PACRG: variants seen among roughly 807,000 people sequenced by gnomAD.
PACRG encodes parkin coregulated gene protein.
Under a neutral mutation model 29.7 loss-of-function variants are expected in PACRG, and 29 were observed. The observed-to-expected ratio is 0.98, with a 90% CI of 0.73 to 1.33. PACRG has a LOEUF of 1.33. Among genes scored for constraint, PACRG ranks in the 40% most tolerant of loss-of-function variants. PACRG has a pLI of 0.00. For synonymous variants in PACRG, 116 were observed against 118.7 expected (o/e 0.98, Z 0.15); for missense variants, 279 against 316.2 (o/e 0.88, Z 0.89).
intron 4 of PACRG, among the ~76,000 whole-genome samples, chr6:163,282,257 C>T (rs1188078812): frequency 6.6e-6 from 1 of 152,120 alleles, no homozygotes; most frequent in East Asian, 1.9e-4. Context: ...AATTTTCCCA[C>T]CCCACCAAGT....
intron 4 of PACRG, among the ~76,000 whole-genome samples, chr6:163,237,322 A>G (rs1782285837): frequency 6.6e-6 from 1 of 152,088 alleles, no homozygotes; most frequent in Non-Finnish European, 1.5e-5. Flanking sequence ...ATATATTGGG[A>G]TTGCATACAT....
At chr6:162,785,036 T>C (rs894714107) in intron 1 of PACRG, among the ~76,000 whole-genome samples, 1 of 152,154 alleles carries the variant, frequency 6.6e-6, no homozygotes, top group Non-Finnish European at 1.5e-5. Context: ...ATGAAACTTC[T>C]CATTGGGAAA....
At position 162,996,213 on chromosome 6, in the gene PACRG, G is replaced by T. The variant is rs150350232; in HGVS notation, c.292-65937G>T. ...TGGACATGTTTATTAGGTTGATTGT[G>T]GTGATCATTTCACAGTGTACACATA... On this transcript the variant is annotated intron_variant, in intron 2 of 4. Transcript: ENST00000366888. 4.6e-3 allele frequency among the ~76,000 whole-genome samples: 695 copies of T among 152,154 alleles called. 3 individuals carry two copies. Among genetic ancestry groups the T allele is most frequent in the Non-Finnish European group, 7.7e-3 (522 of 67,984 alleles).
intron 4 of PACRG, among the ~76,000 whole-genome samples, chr6:163,212,705 T>G (rs1781198238): frequency 6.6e-6 from 1 of 151,788 alleles, no homozygotes; most frequent in Non-Finnish European, 1.5e-5. Context: ...TATTTACCAT[T>G]ATTTCATATT....
chr6:162,838,847 G>T (rs1284942631), intron 2 of PACRG, among the ~76,000 whole-genome samples: 1 of 147,806 alleles, frequency 6.8e-6, no homozygotes, highest in Non-Finnish European at 1.5e-5. Flanking sequence ...GTGGTGTTTG[G>T]TTTTTTGTTC....
intron 2 of PACRG, among the ~76,000 whole-genome samples, chr6:162,984,133 G>A (rs955101685): frequency 2.6e-5 from 4 of 151,918 alleles, no homozygotes; most frequent in Non-Finnish European, 4.4e-5. Context: ...CCTGAGCAGT[G>A]TACACAGTGT....
chr6:163,116,807 T>C (rs764031305), intron 4 of PACRG, among the ~76,000 whole-genome samples: 2 of 152,110 alleles, frequency 1.3e-5, no homozygotes, highest in African/African-American at 2.4e-5. Flanking sequence ...AGAAGATGAT[T>C]CAAAAATGAC....
At chr6:162,925,346 G>A (rs1438774035) in intron 2 of PACRG, among the ~76,000 whole-genome samples, 2 of 151,984 alleles carry the variant, frequency 1.3e-5, no homozygotes, top group East Asian at 3.9e-4. Context: ...TAAAACCCTG[G>A]CAGAGACACA....
intron 2 of PACRG, among the ~76,000 whole-genome samples, chr6:162,973,643 T>G (rs1801710495): frequency 1.3e-5 from 2 of 152,244 alleles, no homozygotes; most frequent in Non-Finnish European, 1.5e-5. Flanking sequence ...TTTCAACCTT[T>G]TTTGAGCTTA....
chr6:163,060,405 G>A (rs1810995517), intron 2 of PACRG, among the ~76,000 whole-genome samples: 1 of 151,964 alleles, frequency 6.6e-6, no homozygotes, highest in Non-Finnish European at 1.5e-5. Context: ...ATTTCAAATT[G>A]TACAAAATAA....
At chr6:163,251,452 C>G (rs1782902958) in intron 4 of PACRG, among the ~76,000 whole-genome samples, 1 of 152,188 alleles carries the variant, frequency 6.6e-6, no homozygotes, top group Non-Finnish European at 1.5e-5. Context: ...TTTAGTGGAT[C>G]TTAAACTGGT....
chr6:162,996,010 G>C (rs1228997216), intron 2 of PACRG, among the ~76,000 whole-genome samples: 1 of 152,108 alleles, frequency 6.6e-6, no homozygotes, highest in African/African-American at 2.4e-5. Context: ...CAAAGTTTTA[G>C]CTATGCAAGA....
chr6:162,861,381 C>A (rs1791847699), intron 2 of PACRG, among the ~76,000 whole-genome samples: 1 of 152,036 alleles, frequency 6.6e-6, no homozygotes, highest in Non-Finnish European at 1.5e-5. Context: ...AATGGGAATA[C>A]AATAAAATGT....
chr6:163,045,346 G>T (rs1809224786), intron 2 of PACRG, among the ~76,000 whole-genome samples: 1 of 152,100 alleles, frequency 6.6e-6, no homozygotes, highest in African/African-American at 2.4e-5. Flanking sequence ...GTAACAGGAG[G>T]GAATCAATGA....
chr6:163,060,365 T>A (rs1810992197), intron 2 of PACRG, among the ~76,000 whole-genome samples: 1 of 152,154 alleles, frequency 6.6e-6, no homozygotes, highest in South Asian at 2.1e-4. Flanking sequence ...ATAAAAACAT[T>A]GGGCCTTTAG....
intron 2 of PACRG, among the ~76,000 whole-genome samples, chr6:162,927,749 A>G (rs1362699497): frequency 6.6e-6 from 1 of 152,144 alleles, no homozygotes; most frequent in Non-Finnish European, 1.5e-5. Flanking sequence ...ATGTTTACCC[A>G]TGTAACAAAC....
intron 4 of PACRG, among the ~76,000 whole-genome samples, chr6:163,228,002 T>C (rs1349453511): frequency 2.0e-5 from 3 of 152,210 alleles, no homozygotes; most frequent in Non-Finnish European, 4.4e-5. Flanking sequence ...GCAGTGTTGG[T>C]GAAAAACCAC....
At chr6:163,134,255 C>T (rs1279752947) in intron 4 of PACRG, among the ~76,000 whole-genome samples, 1 of 152,110 alleles carries the variant, frequency 6.6e-6, no homozygotes, top group Admixed American at 6.5e-5. Context: ...TCTTAGAATG[C>T]CATTGCCTTC....
At chr6:162,876,077 A>G (rs1430774571) in intron 2 of PACRG, among the ~76,000 whole-genome samples, 1 of 152,132 alleles carries the variant, frequency 6.6e-6, no homozygotes, top group Non-Finnish European at 1.5e-5. Context: ...AAAACCATGC[A>G]TGCTTCCCGG....
Sources: gnomAD v4.1 joint callset for allele counts (sites outside exome capture counted in the v4.1 genomes callset) on GRCh38, gnomAD v4.1.1 for gene constraint, MANE v1.5 for transcripts, NCBI Gene and HGNC (gene_info 2026-07-23, HGNC 2026-07-21) for gene names.